CEP44: variants seen among roughly 807,000 people sequenced by gnomAD.
The protein encoded by CEP44 is centrosomal protein of 44 kDa.
Under a neutral mutation model 46.7 loss-of-function variants are expected in CEP44, and 45 were observed. The observed-to-expected ratio is 0.96, with a 90% CI of 0.76 to 1.24. The LOEUF is 1.24. Ranked by LOEUF, CEP44 falls within the 50% of genes most tolerant of loss-of-function variation. The probability of loss-of-function intolerance (pLI) is 0.00; values close to 1 mark genes in which losing one functional copy is unlikely to be tolerated. For synonymous variants in CEP44, 142 were observed against 146.0 expected (o/e 0.97, Z 0.20); for missense variants, 475 against 459.7 (o/e 1.03, Z -0.30).
In CEP44 at chr4:174,291,787, C is replaced by CTTTTTTTTTTTTTTTT. The variant is rs56201469; in HGVS notation, c.-147-6169_-147-6154dup. ...CTTTATTCTTTTATCTTTTTCTTTT[C>CTTTTTTTTTTTTTTTT]TTTTTTTTTTTTTTTTTTTTTTTTT... On this transcript the variant is annotated intron_variant, in intron 1 of 11. Coordinates refer to ENST00000503780, the MANE Select transcript of CEP44 (RefSeq NM_001040157.3). Among the ~76,000 whole-genome samples, 26 of 46,404 alleles carry CTTTTTTTTTTTTTTTT rather than the reference C, an allele frequency of 5.6e-4. 6 individuals are homozygous for CTTTTTTTTTTTTTTTT. The highest frequency in any genetic ancestry group is 1.9e-3 in the Admixed American group (6 of 3,126). The allele number at this position is 46,404 out of a possible 152,430, so 30.4% of individuals were successfully genotyped here.
chr4:174,299,754 G>C (rs1739490657), intron 3 of CEP44, among the ~76,000 whole-genome samples: 1 of 152,130 alleles, frequency 6.6e-6, no homozygotes, highest in African/African-American at 2.4e-5. Context: ...CCATTTAACA[G>C]ACCCCACTTT....
Position 174,290,976 on chromosome 4 carries a change from G to C in CEP44, c.-147-6990G>C, listed in dbSNP as rs1202882668. 6.6e-6 allele frequency among the ~76,000 whole-genome samples: 1 copy of C among 151,988 alleles called. No homozygotes were observed. Among genetic ancestry groups the C allele is most frequent in the South Asian group, 2.1e-4 (1 of 4,818 alleles). ...ATAGATAGCCACCCTGCTCTCTTTT[G>C]GTTATAGTTTGCATGGAATATCTTT... On this transcript the variant is annotated intron_variant, in intron 1 of 11. Coordinates refer to ENST00000503780, the MANE Select transcript of CEP44 (RefSeq NM_001040157.3). This position sits in a 1 kb window ranked among gnomAD's most constrained non-coding sequence, Gnocchi z 4.3.
rs1963417440 is a variant in CEP44 at position 174,286,495 on chromosome 4, G to T, written c.-148+2552G>T. 1.3e-5 allele frequency among the ~76,000 whole-genome samples: 2 copies of T among 152,104 alleles called. No individual in the cohort carries two copies. Among genetic ancestry groups the T allele is most frequent in the Admixed American group, 1.3e-4 (2 of 15,274 alleles). On this transcript the variant is annotated intron_variant, in intron 1 of 11. Transcript: ENST00000503780. This position sits in a 1 kb window ranked among gnomAD's most constrained non-coding sequence, Gnocchi z 5.2. ...CATTCTCAAAGGGTTCATTACTCAAGGTATTGTTATGTATTACTTTTCTTC... is the reference window on the plus strand; with the variant it reads ...CATTCTCAAAGGGTTCATTACTCAATGTATTGTTATGTATTACTTTTCTTC...
chr4:174,284,378 G>A (rs1042223120), intron 1 of CEP44: 3 of 241,558 alleles, frequency 1.2e-5, no homozygotes, highest in African/African-American at 4.4e-5. Flanking sequence ...GTGACTTAGG[G>A]TTGGAAAGTT....
chr4:174,284,812 T>C (rs1341338130), intron 1 of CEP44, among the ~76,000 whole-genome samples: 1 of 152,232 alleles, frequency 6.6e-6, no homozygotes, highest in Non-Finnish European at 1.5e-5. Context: ...TTTTCTCATC[T>C]TTACTTTTTT....
chr4:174,293,967 G>A (rs924718348), intron 1 of CEP44, among the ~76,000 whole-genome samples: 1 of 151,248 alleles, frequency 6.6e-6, no homozygotes, highest in Non-Finnish European at 1.5e-5. Flanking sequence ...AGTGTGTAGT[G>A]GTATTTTGGT....
At chr4:174,292,486 T>C (rs901897826) in intron 1 of CEP44, among the ~76,000 whole-genome samples, 7 of 152,210 alleles carry the variant, frequency 4.6e-5, no homozygotes, top group African/African-American at 1.7e-4. Context: ...TCTGGAACTT[T>C]TATAATGTGT....
chr4:174,327,494 C>T (rs1742757663), intron 8 of CEP44, among the ~76,000 whole-genome samples: 1 of 151,628 alleles, frequency 6.6e-6, no homozygotes, highest in Admixed American at 6.6e-5. Flanking sequence ...GCTAAGACAA[C>T]TTTGAGGAAG....
At chr4:174,296,031 G>A (rs955776410) in intron 1 of CEP44, among the ~76,000 whole-genome samples, 3 of 152,184 alleles carry the variant, frequency 2.0e-5, no homozygotes, top group African/African-American at 7.2e-5. Context: ...CATACCTAGA[G>A]TAAATCTGCT....
In CEP44 at chr4:174,286,544, T is replaced by C. The variant is rs899779194; in HGVS notation, c.-148+2601T>C. On this transcript the variant is annotated intron_variant, in intron 1 of 11. Coordinates refer to ENST00000503780, the MANE Select transcript of CEP44 (RefSeq NM_001040157.3). This position sits in a 1 kb window ranked among gnomAD's most constrained non-coding sequence, Gnocchi z 5.2. ...TCTATGAAGTGTCCATGGACAGTTG[T>C]GGTAGATGTTTTTATGTAAGTTATT... Among the ~76,000 whole-genome samples the C allele has an allele frequency of 2.0e-5, 3 of 152,220 alleles. No homozygotes were observed. The highest frequency in any genetic ancestry group is 7.2e-5 in the African/African-American group (3 of 41,464).
At chr4:174,292,566 A>G (rs1302160070) in intron 1 of CEP44, among the ~76,000 whole-genome samples, 2 of 151,922 alleles carry the variant, frequency 1.3e-5, no homozygotes, top group African/African-American at 4.8e-5. Context: ...ATTCTTTTTA[A>G]TATTTCTTCC....
At chr4:174,307,076 TA>T (rs1740494831) in intron 6 of CEP44, among the ~76,000 whole-genome samples, 13 of 152,182 alleles carry the variant, frequency 8.5e-5, no homozygotes, top group Admixed American at 8.5e-4. Flanking sequence ...CCCATTAAAC[TA>T]CCATTGACAG....
chr4:174,308,366 T>C (rs1274043178), intron 6 of CEP44, among the ~76,000 whole-genome samples: 1 of 152,146 alleles, frequency 6.6e-6, no homozygotes, highest in Non-Finnish European at 1.5e-5. Flanking sequence ...CTTAGCATAT[T>C]AATGCAGAAA....
chr4:174,284,421 G>T (rs1299934897), intron 1 of CEP44, among the ~76,000 whole-genome samples: 1 of 152,146 alleles, frequency 6.6e-6, no homozygotes, highest in East Asian at 1.9e-4. Context: ...GATCCTCTGG[G>T]GTGAGGATAC....
chr4:174,324,937 T>C, downstream of CEP44, among the ~76,000 whole-genome samples: 1 of 152,278 alleles, frequency 6.6e-6, no homozygotes, highest in East Asian at 1.9e-4. Context: ...CCCTATAAGC[T>C]GTGAGTACAT....
At chr4:174,315,713 C>T (rs1022452282) in intron 9 of CEP44, among the ~76,000 whole-genome samples, 30 of 151,804 alleles carry the variant, frequency 2.0e-4, no homozygotes, top group African/African-American at 7.2e-4. Flanking sequence ...TGGTAGCTGG[C>T]GCCTGTAGTC....
At chr4:174,313,778 T>C (rs1339820071) in intron 9 of CEP44, among the ~76,000 whole-genome samples, 1 of 151,858 alleles carries the variant, frequency 6.6e-6, no homozygotes, top group Non-Finnish European at 1.5e-5. Context: ...ACAAAAAGGG[T>C]GAAGGAGAGT....
At chr4:174,316,330 A>G in intron 10 of CEP44, 40 bp downstream of exon 10, 1 of 1,581,680 alleles carries the variant, frequency 6.3e-7, no homozygotes, top group Non-Finnish European at 8.7e-7. Flanking sequence ...TAAATGAGGA[A>G]AACAAGCAAG....
chr4:174,331,756 T>C lies in CEP44; in HGVS notation c.*161T>C. ...AAACTGATGACTTTTTCCTTCCTGC[T>C]ACATGGGTAACACTTAGTTGTTTGT... On this transcript the variant is annotated 3_prime_UTR_variant, in exon 9 of 9. Coordinates refer to the CEP44 transcript ENST00000426172. The surrounding 1 kb of genome is among the most constrained non-coding windows in gnomAD (Gnocchi z 4.5). 2 of 883,918 alleles carry C rather than the reference T, an allele frequency of 2.3e-6. No homozygotes were observed. The highest frequency in any genetic ancestry group is 3.2e-6 in the Non-Finnish European group (2 of 622,236). The allele number at this position is 883,918 out of a possible 1,614,324, so 54.8% of individuals were successfully genotyped here. A position where few individuals can be genotyped will look rare whatever the true frequency, so the allele number is the denominator to read the frequency against.
Sources: gnomAD v4.1 joint callset for allele counts (sites outside exome capture counted in the v4.1 genomes callset) on GRCh38, gnomAD v4.1.1 for gene constraint, Gnocchi (gnomAD v3.1) non-coding constraint, MANE v1.5 for transcripts, NCBI Gene and HGNC (gene_info 2026-07-23, HGNC 2026-07-21) for gene names.